The following DNMBP variants were observed in gnomAD, a reference collection of about 807,000 sequenced individuals.
DNMBP encodes the protein dynamin-binding protein.
Under a neutral mutation model 150.0 loss-of-function variants are expected in DNMBP, and 87 were observed. The ratio of observed to expected loss-of-function variants is 0.58; its 90% CI spans 0.49 to 0.69. The LOEUF (loss-of-function observed/expected upper bound fraction) is 0.69, where lower values mean the gene tolerates loss of function less well. Ranked by LOEUF, DNMBP falls within the 30% of genes least tolerant of loss-of-function variation. The probability of loss-of-function intolerance (pLI) is 0.00; values close to 1 mark genes in which losing one functional copy is unlikely to be tolerated. For synonymous variants in DNMBP, 711 were observed against 750.4 expected (o/e 0.95, Z 0.86); for missense variants, 1,774 against 1,949.0 (o/e 0.91, Z 1.69).
intron 4 of DNMBP, among the ~76,000 whole-genome samples, chr10:99,917,884 C>T (rs1273272791): frequency 6.6e-6 from 1 of 150,954 alleles, no homozygotes; most frequent in East Asian, 1.9e-4. Flanking sequence ...CAGGAGAATC[C>T]CTTAAACCCA....
intron 11 of DNMBP, among the ~76,000 whole-genome samples, chr10:99,890,646 A>G (rs1215814269): frequency 6.6e-6 from 1 of 152,046 alleles, no homozygotes; most frequent in Non-Finnish European, 1.5e-5. Flanking sequence ...AGCTGCCCCA[A>G]TTGTGTGTTT....
rs776457107 is a variant in DNMBP at position 99,956,119 on chromosome 10, C to T, written c.1355G>A (p.Arg452Lys). Residue 452 changes from arginine (R) to lysine (K), a missense_variant, in exon 4 of 17, where the codon AGG becomes AAG. Physicochemically the swap from Arg to Lys is conservative, Grantham distance 26. Around this residue, in one of 2 missense-constraint regions of DNMBP, gnomAD observed 1,430 missense variants for 1,492.5 expected, o/e 0.96. Coordinates refer to ENST00000324109, the MANE Select transcript of DNMBP (RefSeq NM_015221.4). ...QYPDLLPLEA[R>K]TRDYASLPPK... ...AGGTAGGCTGGCATAGTCTCTAGTC[C>T]TTGCTTCTAGGGGAAGAAGGTCGGG... 6.2e-7 allele frequency: 1 copy of T among 1,614,102 alleles called. No individual in the cohort carries two copies. The highest frequency in any genetic ancestry group is 8.5e-7 in the Non-Finnish European group (1 of 1,180,012).
intron 3 of DNMBP, among the ~76,000 whole-genome samples, chr10:99,968,888 C>G (rs1012449730): frequency 6.6e-6 from 1 of 152,060 alleles, no homozygotes; most frequent in African/African-American, 2.4e-5. Context: ...TTCCTACCTC[C>G]CAGGTCTGTG....
chr10:99,977,847 T>C (rs2040745098), intron 1 of DNMBP, among the ~76,000 whole-genome samples: 1 of 152,200 alleles, frequency 6.6e-6, no homozygotes, highest in Non-Finnish European at 1.5e-5. Flanking sequence ...AAGTTTTACT[T>C]ACCTAAAACT....
At chr10:99,989,548 T>A (rs1369788842) in intron 1 of DNMBP, among the ~76,000 whole-genome samples, 1 of 152,082 alleles carries the variant, frequency 6.6e-6, no homozygotes, top group Non-Finnish European at 1.5e-5. Context: ...CCATCTCTAC[T>A]AAAAATACAA....
intron 12 of DNMBP, among the ~76,000 whole-genome samples, chr10:99,888,294 T>G (rs1440272667): frequency 6.6e-6 from 1 of 152,052 alleles, no homozygotes; most frequent in Non-Finnish European, 1.5e-5. Flanking sequence ...CATTGCAACC[T>G]CCTCCTCCTG....
intron 1 of DNMBP, among the ~76,000 whole-genome samples, chr10:99,996,166 A>G (rs915024539): frequency 2.0e-5 from 3 of 152,250 alleles, no homozygotes; most frequent in African/African-American, 4.8e-5. Context: ...AGAAGAGAAT[A>G]TTCACCAAGC....
intron 4 of DNMBP, among the ~76,000 whole-genome samples, chr10:99,936,654 C>G (rs2040235419): frequency 6.6e-6 from 1 of 151,742 alleles, no homozygotes; most frequent in African/African-American, 2.4e-5. Flanking sequence ...TCCTCAAATA[C>G]TTGATGTGCT....
chr10:99,941,301 C>T (rs2040298195), intron 4 of DNMBP, among the ~76,000 whole-genome samples: 1 of 152,148 alleles, frequency 6.6e-6, no homozygotes, highest in Admixed American at 6.5e-5. Flanking sequence ...TTGGAATGCC[C>T]CAGGGCTAAG....
At chr10:99,999,791 C>A (rs569648025) in intron 1 of DNMBP, among the ~76,000 whole-genome samples, 3 of 152,260 alleles carry the variant, frequency 2.0e-5, no homozygotes, top group Admixed American at 6.5e-5. Flanking sequence ...GGAATGTATA[C>A]CCTGTGGAAA....
At chr10:99,983,950 C>A (rs1254130114) in intron 1 of DNMBP, among the ~76,000 whole-genome samples, 1 of 152,138 alleles carries the variant, frequency 6.6e-6, no homozygotes, top group African/African-American at 2.4e-5. Flanking sequence ...ACTGAGCAAC[C>A]CTTATCTAAA....
chr10:99,891,090 TCTTAAAA>T (rs2039548929), intron 11 of DNMBP, among the ~76,000 whole-genome samples: 3 of 152,086 alleles, frequency 2.0e-5, no homozygotes, highest in South Asian at 4.1e-4. Flanking sequence ...AATGATTTAA[TCTTAAAA>T]CTTAAAAAAA....
At chr10:99,936,284 T>C (rs1370425812) in intron 4 of DNMBP, among the ~76,000 whole-genome samples, 1 of 152,202 alleles carries the variant, frequency 6.6e-6, no homozygotes, top group East Asian at 1.9e-4. Flanking sequence ...CAACTTCTTC[T>C]ACAATAAGAC....
At chr10:99,930,911 C>G (rs981862102) in intron 4 of DNMBP, 9 of 546,522 alleles carry the variant, frequency 1.6e-5, no homozygotes, top group Non-Finnish European at 2.9e-5. Flanking sequence ...TTGCTCTAGT[C>G]GGAGCGCAGT....
intron 1 of DNMBP, among the ~76,000 whole-genome samples, chr10:100,000,459 T>G (rs368047779): frequency 2.6e-5 from 4 of 152,146 alleles, no homozygotes; most frequent in African/African-American, 9.7e-5. Context: ...AACATTCACA[T>G]GCTACTTTCG....
chr10:99,911,742 C>T (rs894226017), intron 4 of DNMBP, among the ~76,000 whole-genome samples: 4 of 152,144 alleles, frequency 2.6e-5, no homozygotes, highest in Admixed American at 2.0e-4. Flanking sequence ...ACAGAAAAAG[C>T]TCTTTCTCGA....
At chr10:99,921,320 G>A (rs538739649) in intron 4 of DNMBP, among the ~76,000 whole-genome samples, 6 of 152,222 alleles carry the variant, frequency 3.9e-5, no homozygotes, top group South Asian at 2.1e-4. Context: ...CTCTTTCCTC[G>A]AAATTCACCT....
intron 16 of DNMBP, among the ~76,000 whole-genome samples, chr10:99,878,868 T>G (rs934673314): frequency 6.6e-6 from 1 of 152,094 alleles, no homozygotes; most frequent in African/African-American, 2.4e-5. Flanking sequence ...GGCTCACGCC[T>G]GTAATCCCAG....
chr10:99,888,845 C>A lies in DNMBP; in HGVS notation c.3265G>T (p.Asp1089Tyr). 6.2e-7 allele frequency: 1 copy of A among 1,614,082 alleles called. No individual in the cohort carries two copies. Among genetic ancestry groups the A allele is most frequent in the South Asian group, 1.1e-5 (1 of 91,046 alleles). The change falls in exon 12 of 17, where the codon GAC becomes TAC. Residue 1089 changes from aspartate to tyrosine, a missense_variant. Around this residue, in one of 2 missense-constraint regions of DNMBP, gnomAD observed 1,430 missense variants for 1,492.5 expected, o/e 0.96. Coordinates refer to ENST00000324109, the MANE Select transcript of DNMBP (RefSeq NM_015221.4). ...QFERVHRYIS[D>Y]QLFTNFKERT... The stretch of plus-strand genomic sequence containing the variant: ...CTTACAAAGTTTGTGAAGAGCTGGT[C>A]ACTGATGTAGCGATGCACCCTCTCA...
Sources: allele counts gnomAD v4.1 joint callset (sites outside exome capture counted in the v4.1 genomes callset), GRCh38; gene constraint gnomAD v4.1.1; regional missense constraint gnomAD v4.1.1; transcripts MANE v1.5; gene names NCBI Gene and HGNC (gene_info 2026-07-23, HGNC 2026-07-21).